Variants in PHKA2 observed in about 807,000 individuals in gnomAD.
The protein encoded by PHKA2 is phosphorylase b kinase regulatory subunit alpha, liver isoform.
Under a neutral mutation model 102.0 loss-of-function variants are expected in PHKA2, and 31 were observed. That is an observed-to-expected ratio of 0.30 (90% CI 0.23 to 0.41). The LOEUF is 0.41. PHKA2 is among the 10% of genes least tolerant of loss of function. The pLI is 1.00. For synonymous variants in PHKA2, 455 were observed against 416.2 expected (o/e 1.09, Z -1.13); for missense variants, 858 against 1,023.1 (o/e 0.84, Z 2.20).
intron 19 of PHKA2, chrX:18,915,424 T>G (rs775683902): frequency 3.7e-5 from 4 of 109,018 alleles, no homozygotes; most frequent in Non-Finnish European, 7.6e-5. Context: ...CAGGCTGGAG[T>G]GCAGTGGCAT....
chrX:18,897,668 C>T (rs1331669263), intron 29 of PHKA2: 6 of 281,714 alleles, frequency 2.1e-5, no homozygotes, highest in East Asian at 1.4e-4. Context: ...TCAATGCCAG[C>T]GGTGCCAAGG....
At chrX:18,976,644 C>G in intron 1 of PHKA2, among the ~76,000 whole-genome samples, 1 of 111,527 alleles carries the variant, frequency 9.0e-6, no homozygotes. Context: ...TTCTTAATCT[C>G]TTACTTATAA....
chrX:18,894,498 C>T (rs969199399), intron 31 of PHKA2, 94 bp from the exon 32 acceptor site: 162 of 781,057 alleles, frequency 2.1e-4, no homozygotes, highest in Non-Finnish European at 2.8e-4. Flanking sequence ...GTAGCAGTGC[C>T]TGGGCTCGGG....
chrX:18,918,574 G>T, intron 19 of PHKA2, 107 bp downstream of exon 19: 1 of 737,535 alleles, frequency 1.4e-6, no homozygotes, highest in Non-Finnish European at 2.1e-6. Flanking sequence ...GAAGCACGTG[G>T]GGGGCATTTT....
chrX:18,934,144 C>T (rs752058357), intron 11 of PHKA2, among the ~76,000 whole-genome samples: 8 of 112,120 alleles, frequency 7.1e-5, no homozygotes, highest in Non-Finnish European at 1.3e-4. Flanking sequence ...GGGATATGAA[C>T]ATGTAGCTGC....
intron 30 of PHKA2, 59 bp downstream of exon 30, chrX:18,897,104 G>GCCTTGCCAGGACA: frequency 8.7e-7 from 1 of 1,156,016 alleles, no homozygotes; most frequent in Non-Finnish European, 1.2e-6. Flanking sequence ...GTGCCACCAT[G>GCCTTGCCAGGACA]CCTTGCCAGG....
At chrX:18,906,440 G>C in intron 25 of PHKA2, 55 bp downstream of exon 25, 7 of 1,201,522 alleles carry the variant, frequency 5.8e-6, no homozygotes, top group Non-Finnish European at 6.8e-6. Context: ...GGAGGCCGTG[G>C]CCGGGTGGTT....
chrX:18,964,082 C>T (rs2048905412), intron 1 of PHKA2, among the ~76,000 whole-genome samples: 1 of 111,513 alleles, frequency 9.0e-6, no homozygotes, highest in Non-Finnish European at 1.9e-5. Context: ...CCTTTGATTG[C>T]CATCCAAGGC....
At chrX:18,921,301 C>T (rs979292725) in intron 17 of PHKA2, among the ~76,000 whole-genome samples, 5 of 110,858 alleles carry the variant, frequency 4.5e-5, no homozygotes, top group Non-Finnish European at 9.4e-5. Context: ...TGGTGGCAGG[C>T]ATCTGTAATC....
chrX:18,957,075 T>G (rs1222666253), intron 1 of PHKA2, among the ~76,000 whole-genome samples: 2 of 112,364 alleles, frequency 1.8e-5, no homozygotes, highest in South Asian at 3.7e-4. Context: ...GCTAATTTTC[T>G]GTATTTTTAG....
chrX:18,948,966 A>G (rs1272866521), intron 4 of PHKA2, 140 bp from the exon 5 acceptor site: 1 of 459,771 alleles, frequency 2.2e-6, no homozygotes, highest in African/African-American at 2.4e-5. Flanking sequence ...TGAAGTCTTA[A>G]GTAAGGCATA....
In PHKA2 at chrX:18,907,105, G is replaced by A. The variant is rs766156263; in HGVS notation, c.2518-8C>T. On this transcript the variant is annotated splice_region_variant and splice_polypyrimidine_tract_variant and intron_variant, in intron 22 of 32. Transcript: ENST00000379942. ...AAGCAGGTCTGTGCAGGCCTGCGCA[G>A]TTAAGGGGAAGGGTGAGAGGCAGAG... The A allele has an allele frequency of 8.6e-7, 1 of 1,166,996 alleles. No homozygotes were observed. Among genetic ancestry groups the A allele is most frequent in the Non-Finnish European group, 1.2e-6 (1 of 867,056 alleles).
intron 1 of PHKA2, among the ~76,000 whole-genome samples, chrX:18,955,478 A>C (rs1173613201): frequency 9.1e-6 from 1 of 110,348 alleles, no homozygotes; most frequent in Non-Finnish European, 1.9e-5. Context: ...GTACAGCTTA[A>C]ATAGGTGAAT....
chrX:18,934,576 G>T (rs760221234), intron 11 of PHKA2, among the ~76,000 whole-genome samples: 48 of 112,000 alleles, frequency 4.3e-4, no homozygotes, highest in African/African-American at 1.5e-3. Context: ...TACTTCTCAC[G>T]GAAACTCCTT....
rs1196815609 is a variant in PHKA2, at chrX:18,895,221, A to AGAT, written c.3283-33_3283-31dup. 2.5e-6 allele frequency: 3 copies of AGAT among 1,179,679 alleles called. No individual in the cohort carries two copies. In the African/African-American group the frequency reaches 5.3e-5, roughly 21 times the overall value. ...AGGCAGAATAGAGCGCATTTCAGTC[A>AGAT]GATTCCAGAATGGGATAAGCACATG... On this transcript the variant is annotated intron_variant, in intron 30 of 32. Coordinates refer to ENST00000379942, the MANE Select transcript of PHKA2 (RefSeq NM_000292.3).
chrX:18,939,532 C>T (rs1248052185), intron 9 of PHKA2, among the ~76,000 whole-genome samples: 1 of 111,728 alleles, frequency 9.0e-6, no homozygotes, highest in Non-Finnish European at 1.9e-5. Flanking sequence ...CTCATTCTGT[C>T]ACCCAGGCTG....
At chrX:18,931,462 T>C (rs1468569467) in intron 12 of PHKA2, among the ~76,000 whole-genome samples, 179 bp downstream of exon 12, 2 of 111,035 alleles carry the variant, frequency 1.8e-5, no homozygotes, top group Admixed American at 1.9e-4. Flanking sequence ...TTAATGGAAA[T>C]ATGGACACAC....
intron 19 of PHKA2, among the ~76,000 whole-genome samples, chrX:18,912,344 C>T (rs1428238128): frequency 8.9e-6 from 1 of 112,206 alleles, no homozygotes; most frequent in African/African-American, 3.2e-5. Flanking sequence ...GCCTACTACA[C>T]ACCTAGGTTG....
rs748964864 is a variant in PHKA2, at chrX:18,957,738, T to TTATATATATATATATATATA, written c.79-3346_79-3327dup. ...TTTCCTATGTGTTACTAAAACCAGA[T>TTATATATATATATATATATA]TATATATATATATATATATATAATT... is the stretch of plus-strand genomic sequence containing the variant. On this transcript the variant is annotated intron_variant, in intron 1 of 32. Coordinates refer to ENST00000379942, the MANE Select transcript of PHKA2 (RefSeq NM_000292.3). Among the ~76,000 whole-genome samples, 110 of 95,095 alleles carry TTATATATATATATATATATA rather than the reference T, an allele frequency of 1.2e-3. 1 individual carries two copies. The highest frequency in any genetic ancestry group is 5.1e-3 in the Middle Eastern group (1 of 197). 82.6% of individuals were successfully genotyped at this position (95,095 alleles called of 115,157 possible). A position where few individuals can be genotyped will look rare whatever the true frequency, so the allele number is the denominator to read the frequency against.
Sources: allele counts gnomAD v4.1 joint callset (sites outside exome capture counted in the v4.1 genomes callset), GRCh38; gene constraint gnomAD v4.1.1; transcripts MANE v1.5; gene names NCBI Gene and HGNC (gene_info 2026-07-23, HGNC 2026-07-21).